The following NTF3 variants were observed in gnomAD, a reference collection of about 807,000 sequenced individuals.
NTF3 encodes neurotrophin 3, also known as neurotrophin-3.
NTF3 carries 8 observed loss-of-function variants against 26.3 expected under a neutral mutation model. That is an observed-to-expected ratio of 0.30 (90% CI 0.18 to 0.55). The LOEUF (loss-of-function observed/expected upper bound fraction) is 0.55. Ranked by LOEUF, NTF3 falls within the 20% of genes least tolerant of loss-of-function variation. The pLI is 0.93. For missense variants in NTF3, 276 were observed against 352.9 expected, an observed-to-expected ratio of 0.78 and a Z score of 1.75; for synonymous variants, 154 against 145.5, an observed-to-expected ratio of 1.06 and a Z score of -0.42.
intron 1 of NTF3, among the ~76,000 whole-genome samples, chr12:5,471,069 A>C (rs1355714393): frequency 6.6e-6 from 1 of 152,096 alleles, no homozygotes; most frequent in Non-Finnish European, 1.5e-5. Flanking sequence ...TAGATCTTAC[A>C]ATAAACATTT....
chr12:5,431,990 C>CGCGGCGCGGCGCGGGCCGGCGGGGGAGG (rs1565568252), upstream of NTF3: 3 of 149,796 alleles, frequency 2.0e-5, no homozygotes, highest in East Asian at 4.0e-4. Flanking sequence ...CGCGGGCGCG[C>CGCGGCGCGGCGCGGGCCGGCGGGGGAGG]GCGGCGCGGC....
At chr12:5,445,269 T>A (rs902765541) in intron 1 of NTF3, among the ~76,000 whole-genome samples, 1 of 40,532 alleles carries the variant, frequency 2.5e-5, no homozygotes, top group East Asian at 2.0e-3. Flanking sequence ...CACCCATAGA[T>A]GATTCCTTGG....
At chr12:5,474,754 GA>G (rs1940702495) in intron 1 of NTF3, among the ~76,000 whole-genome samples, 2 of 152,166 alleles carry the variant, frequency 1.3e-5, no homozygotes, top group Non-Finnish European at 2.9e-5. Flanking sequence ...TAATCCAGGC[GA>G]AAGAGGTAGC....
At chr12:5,493,532 G>A (rs1034665695) in intron 1 of NTF3, among the ~76,000 whole-genome samples, 1 of 152,136 alleles carries the variant, frequency 6.6e-6, no homozygotes, top group East Asian at 1.9e-4. Context: ...TTGGTGATGC[G>A]TATGTATCAG....
At chr12:5,474,458 A>G (rs567456315) in intron 1 of NTF3, among the ~76,000 whole-genome samples, 1 of 152,274 alleles carries the variant, frequency 6.6e-6, no homozygotes, top group African/African-American at 2.4e-5. Context: ...AGGTGAGAGT[A>G]TACATGGTGT....
chr12:5,459,464 C>T (rs749514776), intron 1 of NTF3, among the ~76,000 whole-genome samples: 4 of 152,210 alleles, frequency 2.6e-5, no homozygotes, highest in African/African-American at 4.8e-5. Flanking sequence ...CTCCCTCCTT[C>T]CCTTCACACC....
At chr12:5,477,362 C>A (rs186355502) in intron 1 of NTF3, among the ~76,000 whole-genome samples, 8 of 152,306 alleles carry the variant, frequency 5.3e-5, no homozygotes, top group African/African-American at 1.9e-4. Flanking sequence ...GCCCTGAAAA[C>A]CCAGAGTCGT....
At chr12:5,475,633 G>A (rs1322232479) in intron 1 of NTF3, among the ~76,000 whole-genome samples, 2 of 152,004 alleles carry the variant, frequency 1.3e-5, no homozygotes, top group African/African-American at 4.8e-5. Context: ...CCAGGAGTTT[G>A]AGACCAGCCT....
chr12:5,441,368 C>T (rs998933260), intron 1 of NTF3, among the ~76,000 whole-genome samples: 2 of 152,150 alleles, frequency 1.3e-5, no homozygotes, highest in Non-Finnish European at 2.9e-5. Context: ...ACAAGTGATA[C>T]GTTTATTCTT....
rs138032807 is a variant in NTF3 at position 5,495,111 on chromosome 12, C to T, written c.*123C>T. 1.1e-3 allele frequency: 1,194 copies of T among 1,061,330 alleles called. 3 individuals carry two copies. Among genetic ancestry groups the T allele is most frequent in the Non-Finnish European group, 1.5e-3 (1,114 of 737,560 alleles). The allele number at this position is 1,061,330 out of a possible 1,614,324, so 65.7% of individuals were successfully genotyped here. A position where few individuals can be genotyped will look rare whatever the true frequency, so the allele number is the denominator to read the frequency against. On this transcript the variant is annotated 3_prime_UTR_variant, in exon 2 of 2. Coordinates refer to ENST00000423158, the MANE Select transcript of NTF3 (RefSeq NM_001102654.2). The stretch of plus-strand genomic sequence containing the variant: ...CCTTTATTTATTAAACTTCAGCAAC[C>T]CTACAGTATATAAGCTTTTTTCTCA...
intron 1 of NTF3, among the ~76,000 whole-genome samples, chr12:5,483,259 G>A (rs1452603766): frequency 6.6e-6 from 1 of 151,960 alleles, no homozygotes; most frequent in Non-Finnish European, 1.5e-5. Context: ...GTCTCCATGA[G>A]CAGTGGGTGG....
intron 1 of NTF3, among the ~76,000 whole-genome samples, chr12:5,460,892 C>T (rs1478857240): frequency 6.6e-6 from 1 of 152,190 alleles, no homozygotes; most frequent in Non-Finnish European, 1.5e-5. Flanking sequence ...GGAACACACA[C>T]ACACACATTC....
At chr12:5,452,296 A>T (rs1014774197) in intron 1 of NTF3, among the ~76,000 whole-genome samples, 1 of 150,904 alleles carries the variant, frequency 6.6e-6, no homozygotes, top group Non-Finnish European at 1.5e-5. Flanking sequence ...GGGTTTCACC[A>T]TGTCAGCCCA....
At chr12:5,484,779 A>G (rs1940848110) in intron 1 of NTF3, among the ~76,000 whole-genome samples, 1 of 152,138 alleles carries the variant, frequency 6.6e-6, no homozygotes, top group South Asian at 2.1e-4. Flanking sequence ...CTTAACAATA[A>G]AAAACTGTCC....
chr12:5,485,179 C>T (rs1017115793), intron 1 of NTF3, among the ~76,000 whole-genome samples: 9 of 152,238 alleles, frequency 5.9e-5, no homozygotes, highest in Non-Finnish European at 1.3e-4. Context: ...TCTTCAGCTA[C>T]TGTGAATTGG....
At chr12:5,484,676 C>A (rs148947136) in intron 1 of NTF3, among the ~76,000 whole-genome samples, 100 of 152,232 alleles carry the variant, frequency 6.6e-4, no homozygotes, top group African/African-American at 2.4e-3. Flanking sequence ...CATTTGGAAA[C>A]GTGCGGGTCC....
intron 1 of NTF3, 35 bp downstream of exon 1, chr12:5,432,377 G>A (rs762682995): frequency 1.3e-6 from 2 of 1,586,460 alleles, no homozygotes; most frequent in East Asian, 4.5e-5. Context: ...GGGTGGGCAG[G>A]TTTGGGGATG....
chr12:5,454,453 C>G (rs1351807586), intron 1 of NTF3, among the ~76,000 whole-genome samples: 1 of 152,140 alleles, frequency 6.6e-6, no homozygotes, highest in Non-Finnish European at 1.5e-5. Flanking sequence ...GGTTAGGACT[C>G]CAGCATATCT....
chr12:5,463,468 G>C (rs1940548819), intron 1 of NTF3, among the ~76,000 whole-genome samples: 1 of 152,158 alleles, frequency 6.6e-6, no homozygotes, highest in African/African-American at 2.4e-5. Flanking sequence ...CTTCGTGGAG[G>C]AGGTAGCCTT....
Sources: allele counts gnomAD v4.1 joint callset (sites outside exome capture counted in the v4.1 genomes callset), GRCh38; gene constraint gnomAD v4.1.1; transcripts MANE v1.5; gene names NCBI Gene and HGNC (gene_info 2026-07-23, HGNC 2026-07-21).